Variants in ACTN2 observed in about 807,000 individuals in gnomAD.
ACTN2 encodes the protein actinin alpha 2.
In ACTN2, 39 loss-of-function variants were observed where a neutral mutation model predicts 113.8. The observed-to-expected ratio is 0.34, with a 90% confidence interval of 0.27 to 0.45. The LOEUF is 0.45. Ranked by LOEUF, ACTN2 falls within the 20% of genes least tolerant of loss-of-function variation. The pLI is 1.00. For synonymous variants in ACTN2, 429 were observed against 444.1 expected (o/e 0.97, Z 0.43); for missense variants, 992 against 1,177.9 (o/e 0.84, Z 2.31).
intron 1 of ACTN2, among the ~76,000 whole-genome samples, chr1:236,697,397 A>G (rs1302385770): frequency 6.6e-6 from 1 of 152,186 alleles, no homozygotes; most frequent in Non-Finnish European, 1.5e-5. Flanking sequence ...AAGGCTGGAG[A>G]TTTAGGTACG....
In ACTN2 at chr1:236,737,315, A is replaced by ATATATATATATATATATATATATG. The variant is rs1428788821; in HGVS notation, c.876+104_876+105insATATATATATATATATATATGTAT. The ATATATATATATATATATATATATG allele has an allele frequency of 1.5e-4, 45 of 295,038 alleles. 1 individual carries two copies. The highest frequency in any genetic ancestry group is 9.4e-4 in the African/African-American group (41 of 43,648). 18.3% of individuals were successfully genotyped at this position (295,038 alleles called of 1,614,324 possible). On this transcript the variant is annotated intron_variant, in intron 9 of 20. Transcript: ENST00000366578. ...CGTGGGGGCATATATATATATATAT[A>ATATATATATATATATATATATATG]TATTTTGCATTTTTCATCTCAGATA...
chr1:236,737,664 G>A (rs75626711), intron 9 of ACTN2, among the ~76,000 whole-genome samples: 2,397 of 151,930 alleles, frequency 0.016, 19 homozygotes, highest in Middle Eastern at 0.051. Flanking sequence ...CCTGGTGTGC[G>A]GAGCTGGCTC....
chr1:236,705,258 A>G (rs778602320), intron 1 of ACTN2, among the ~76,000 whole-genome samples: 1 of 152,158 alleles, frequency 6.6e-6, no homozygotes, highest in Non-Finnish European at 1.5e-5. Flanking sequence ...TATATCAGAA[A>G]ATGAATATTT....
intron 12 of ACTN2, among the ~76,000 whole-genome samples, chr1:236,745,435 A>G (rs543960137): frequency 1.3e-5 from 2 of 152,320 alleles, no homozygotes; most frequent in African/African-American, 4.8e-5. Context: ...CTCCGTCTCA[A>G]AAAAACAAAA....
At chr1:236,739,574 C>T in intron 10 of ACTN2, 42 bp downstream of exon 10, 1 of 1,602,762 alleles carries the variant, frequency 6.2e-7, no homozygotes, top group Non-Finnish European at 8.5e-7. Flanking sequence ...CACGGGAAGC[C>T]CTCCTTCTAG....
chr1:236,713,096 T>A (rs2102886202), intron 1 of ACTN2, among the ~76,000 whole-genome samples: 1 of 152,252 alleles, frequency 6.6e-6, no homozygotes, highest in African/African-American at 2.4e-5. Flanking sequence ...ACAACCCAAA[T>A]ATTCGTTCAT....
At chr1:236,709,650 T>C (rs1268535653) in intron 1 of ACTN2, among the ~76,000 whole-genome samples, 1 of 152,030 alleles carries the variant, frequency 6.6e-6, no homozygotes, top group East Asian at 1.9e-4. Flanking sequence ...AAGGAAATGA[T>C]ATGCAACTTC....
chr1:236,747,815 A>G (rs754172451), intron 13 of ACTN2, 40 bp downstream of exon 13: 12 of 1,452,682 alleles, frequency 8.3e-6, no homozygotes, highest in Non-Finnish European at 1.1e-5. Flanking sequence ...AAATCTTTTA[A>G]TAGAAGCTCT....
At chr1:236,709,366 G>GTATA (rs1448214742) in intron 1 of ACTN2, among the ~76,000 whole-genome samples, 16 of 135,680 alleles carry the variant, frequency 1.2e-4, no homozygotes, top group African/African-American at 3.6e-4. Flanking sequence ...ATACGTGTGT[G>GTATA]TGTATATATA....
intron 1 of ACTN2, among the ~76,000 whole-genome samples, chr1:236,713,005 T>G (rs562469073): frequency 2.0e-5 from 3 of 151,890 alleles, no homozygotes; most frequent in Admixed American, 6.6e-5. Context: ...TTGTCAGTTT[T>G]AAAAATTCCT....
At chr1:236,730,067 G>C (rs529648098) in intron 6 of ACTN2, among the ~76,000 whole-genome samples, 1 of 152,318 alleles carries the variant, frequency 6.6e-6, no homozygotes, top group East Asian at 1.9e-4. Context: ...CAGTAACCCT[G>C]TAAAGTAGGT....
At position 236,732,424 on chromosome 1, in the gene ACTN2, T is replaced by TA. The variant is rs369586620; in HGVS notation, c.697+1110_697+1111insA. Reference sequence around the variant, plus strand: ...CTCTGTGAATATTTTCTTTTCTTTTTCTTTTTATTTTTTATTTTTTATTTT... The same window carrying TA: ...CTCTGTGAATATTTTCTTTTCTTTTTACTTTTTATTTTTTATTTTTTATTTT... On this transcript the variant is annotated intron_variant, in intron 7 of 20. Transcript: ENST00000366578. Among the ~76,000 whole-genome samples, 7 of 120,286 alleles carry TA rather than the reference T, an allele frequency of 5.8e-5. No homozygotes were observed. In the South Asian group the frequency reaches 1.8e-3, roughly 32 times the overall value. The allele number at this position is 120,286 out of a possible 152,430, so 78.9% of individuals were successfully genotyped here.
At position 236,755,098 on chromosome 1, in the gene ACTN2, T is replaced by A. The variant is rs1057523250; in HGVS notation, c.2054T>A (p.Ile685Asn). 1 of 1,614,154 alleles carries A rather than the reference T, an allele frequency of 6.2e-7. No homozygotes were observed. The highest frequency in any genetic ancestry group is 8.5e-7 in the Non-Finnish European group (1 of 1,180,032). Reference protein sequence around the residue: ...MNQLKQYEHNIINYKNNIDKL... With the variant: ...MNQLKQYEHNNINYKNNIDKL... Reference sequence around the variant, plus strand: ...CAGCTGAAGCAGTATGAGCACAACATCATCAACTATAAGAACAACATCGAC... The same window carrying A: ...CAGCTGAAGCAGTATGAGCACAACAACATCAACTATAAGAACAACATCGAC... The change falls in exon 17 of 21, where the codon ATC becomes AAC. Residue 685 changes from isoleucine (I) to asparagine (N), a missense_variant. Physicochemically the swap from Ile to Asn is moderately radical, Grantham distance 149. This residue lies in a region of ACTN2 where 736 missense variants were observed against 815.4 expected (regional missense o/e 0.90). Transcript: ENST00000366578.
chr1:236,726,629 G>T (rs773132973), intron 5 of ACTN2, among the ~76,000 whole-genome samples: 1 of 152,176 alleles, frequency 6.6e-6, no homozygotes, highest in African/African-American at 2.4e-5. Context: ...ACCTTTGGAT[G>T]CTAGGTTACC....
chr1:236,726,481 T>C (rs1658553636), intron 5 of ACTN2, among the ~76,000 whole-genome samples: 1 of 152,202 alleles, frequency 6.6e-6, no homozygotes, highest in African/African-American at 2.4e-5. Context: ...TGGAGAAAAA[T>C]TATGTCTGAA....
intron 7 of ACTN2, among the ~76,000 whole-genome samples, chr1:236,733,694 C>T (rs1011867931): frequency 6.6e-6 from 1 of 152,166 alleles, no homozygotes; most frequent in Non-Finnish European, 1.5e-5. Flanking sequence ...TATTCCCATG[C>T]CTTCTATCAG....
chr1:236,699,142 A>G (rs1243731764), intron 1 of ACTN2, among the ~76,000 whole-genome samples: 1 of 152,314 alleles, frequency 6.6e-6, no homozygotes, highest in African/African-American at 2.4e-5. Flanking sequence ...TTTTATCACT[A>G]AACTTTATCT....
rs116632463 is a variant in ACTN2, at chr1:236,715,326, A to T, written c.127-2532A>T. The stretch of plus-strand genomic sequence containing the variant: ...TCCCCCCTCCCCCCACCCTGTTACC[A>T]CTTGAAGTTTTATACCAAAGAAACC... On this transcript the variant is annotated intron_variant, in intron 1 of 20. Coordinates refer to ENST00000366578, the MANE Select transcript of ACTN2 (RefSeq NM_001103.4). 6.6e-3 allele frequency among the ~76,000 whole-genome samples: 697 copies of T among 105,758 alleles called. 6 individuals are homozygous for T. Among genetic ancestry groups the T allele is most frequent in the Non-Finnish European group, 9.5e-3 (558 of 58,604 alleles). The allele number at this position is 105,758 out of a possible 152,430, so 69.4% of individuals were successfully genotyped here.
In ACTN2 at chr1:236,762,967, C is replaced by T; in HGVS notation, c.*348C>T. Reference sequence around the variant, plus strand: ...GTGAAAAATGTGAAAATACAAAATACCCAAGATTTAAGACCGGGGGGAAAA... The same window carrying T: ...GTGAAAAATGTGAAAATACAAAATATCCAAGATTTAAGACCGGGGGGAAAA... On this transcript the variant is annotated 3_prime_UTR_variant, in exon 21 of 21. Coordinates refer to ENST00000366578, the MANE Select transcript of ACTN2 (RefSeq NM_001103.4). 1 of 326,456 alleles carries T rather than the reference C, an allele frequency of 3.1e-6. No homozygotes were observed. Among genetic ancestry groups the T allele is most frequent in the Middle Eastern group, 1.1e-3 (1 of 940 alleles). The allele number at this position is 326,456 out of a possible 1,614,324, so 20.2% of individuals were successfully genotyped here. A position where few individuals can be genotyped will look rare whatever the true frequency, so the allele number is the denominator to read the frequency against.
Sources: gnomAD v4.1 joint callset for allele counts (sites outside exome capture counted in the v4.1 genomes callset) on GRCh38, gnomAD v4.1.1 for gene constraint, gnomAD v4.1.1 regional missense constraint, MANE v1.5 for transcripts, NCBI Gene and HGNC (gene_info 2026-07-23, HGNC 2026-07-21) for gene names.